The following DAB1 variants were observed in gnomAD, a reference collection of about 807,000 sequenced individuals.
The protein encoded by DAB1 is DAB adaptor protein 1.
In DAB1, 15 loss-of-function variants were observed where a neutral mutation model predicts 64.6. That is an observed-to-expected ratio of 0.23 (90% confidence interval 0.16 to 0.36). The LOEUF (loss-of-function observed/expected upper bound fraction) is 0.36, where lower values mean the gene tolerates loss of function less well. Among genes scored for constraint, DAB1 ranks in the 10% least tolerant of loss-of-function variants. DAB1 has a pLI of 1.00. For missense variants in DAB1, 596 were observed against 706.7 expected (o/e 0.84, Z 1.78); for synonymous variants, 235 against 251.9 (o/e 0.93, Z 0.64).
At chr1:57,738,658 T>C (rs1647813324) in intron 6 of DAB1, among the ~76,000 whole-genome samples, 1 of 152,228 alleles carries the variant, frequency 6.6e-6, no homozygotes, top group Admixed American at 6.5e-5. Flanking sequence ...AGTGCATTTC[T>C]TTGATTATTT....
intron 3 of DAB1, among the ~76,000 whole-genome samples, chr1:57,144,405 C>T (rs1382460640): frequency 1.3e-5 from 2 of 151,906 alleles, no homozygotes; most frequent in Admixed American, 6.6e-5. Context: ...TAAAAAATTT[C>T]TAATTTCTGG....
At chr1:57,394,369 G>T (rs1682637862) in intron 1 of DAB1, among the ~76,000 whole-genome samples, 1 of 152,196 alleles carries the variant, frequency 6.6e-6, no homozygotes, top group African/African-American at 2.4e-5. Context: ...TACAAAAACA[G>T]CTTTTGTGGT....
chr1:57,179,077 TCAG>T (rs2100959542), intron 2 of DAB1, among the ~76,000 whole-genome samples: 1 of 152,304 alleles, frequency 6.6e-6, no homozygotes, highest in East Asian at 1.9e-4. Flanking sequence ...ATGAGAGTCA[TCAG>T]CAGATGTCAA....
At chr1:57,133,252 G>C (rs866726709) in intron 4 of DAB1, among the ~76,000 whole-genome samples, 1 of 152,144 alleles carries the variant, frequency 6.6e-6, no homozygotes, top group Non-Finnish European at 1.5e-5. Flanking sequence ...CTTACCTTTA[G>C]AGTCCTGCAG....
rs113642363 is a variant in DAB1, at chr1:58,358,929, TTCTCTCTC to T, written n.258-15534_258-15527del. On this transcript the variant is annotated intron_variant and non_coding_transcript_variant, in intron 3 of 20. Transcript: ENST00000485760. ...TGTCTCTCTCCCCCCCTTCCTTTCT[TTCTCTCTC>T]TCTCTCTCTCTCTGTAACACACACA... 2.2e-4 allele frequency among the ~76,000 whole-genome samples: 24 copies of T among 107,512 alleles called. No individual in the cohort carries two copies. The East Asian group carries it at 2.5e-3, about 11-fold the overall frequency. 70.5% of individuals were successfully genotyped at this position (107,512 alleles called of 152,430 possible).
intron 1 of DAB1, among the ~76,000 whole-genome samples, chr1:57,854,167 A>G (rs1188852323): frequency 2.0e-5 from 3 of 152,214 alleles, no homozygotes; most frequent in Non-Finnish European, 4.4e-5. Context: ...TGAGTAAATA[A>G]TTATTACTCA....
intron 3 of DAB1, among the ~76,000 whole-genome samples, chr1:58,489,169 G>A (rs925606835): frequency 3.3e-5 from 5 of 152,196 alleles, no homozygotes; most frequent in African/African-American, 1.2e-4. Context: ...GAAGTGCAAC[G>A]GGTCAGGGAA....
intron 1 of DAB1, among the ~76,000 whole-genome samples, chr1:57,830,294 G>A (rs915663204): frequency 1.3e-5 from 2 of 152,130 alleles, no homozygotes; most frequent in South Asian, 4.1e-4. Context: ...CAATTAACAC[G>A]TTCTTACTCC....
At chr1:58,270,246 A>G (rs1661282169) in intron 4 of DAB1, among the ~76,000 whole-genome samples, 1 of 121,832 alleles carries the variant, frequency 8.2e-6, no homozygotes, top group South Asian at 3.3e-4. Flanking sequence ...ACATATGGCT[A>G]GCCAGTTTTC....
At chr1:58,449,138 G>C (rs1645104515) in intron 3 of DAB1, among the ~76,000 whole-genome samples, 1 of 152,198 alleles carries the variant, frequency 6.6e-6, no homozygotes, top group Non-Finnish European at 1.5e-5. Flanking sequence ...CCAAGCACAG[G>C]GGAAGGGCCA....
intron 6 of DAB1, among the ~76,000 whole-genome samples, chr1:57,722,457 T>A (rs1360047740): frequency 6.6e-6 from 1 of 152,146 alleles, no homozygotes; most frequent in Non-Finnish European, 1.5e-5. Flanking sequence ...GCTTGAATAA[T>A]AAACACAATG....
At chr1:57,966,381 T>C (rs895721921) in intron 5 of DAB1, among the ~76,000 whole-genome samples, 17 of 152,140 alleles carry the variant, frequency 1.1e-4, no homozygotes, top group Admixed American at 6.6e-5. Flanking sequence ...CTCATCATTA[T>C]GTAAAGAAGC....
At chr1:58,535,595 C>CAAAAA (rs11315198) in intron 1 of DAB1, among the ~76,000 whole-genome samples, 2 of 95,572 alleles carry the variant, frequency 2.1e-5, no homozygotes, top group African/African-American at 3.9e-5. Flanking sequence ...GTCTCTGTCT[C>CAAAAA]AAAAAAAAAA....
chr1:58,378,833 T>C (rs1474794887), intron 3 of DAB1, among the ~76,000 whole-genome samples: 448 of 77,536 alleles, frequency 5.8e-3, no homozygotes, highest in African/African-American at 0.016. Context: ...ATCAGCGAGA[T>C]TCCGTGGGCG....
At chr1:57,477,102 C>T (rs1643947695) in intron 7 of DAB1, among the ~76,000 whole-genome samples, 1 of 152,172 alleles carries the variant, frequency 6.6e-6, no homozygotes, top group Admixed American at 6.5e-5. Context: ...AAACTGTGTC[C>T]TGGACACTGA....
intron 2 of DAB1, among the ~76,000 whole-genome samples, chr1:57,251,993 A>G (rs1198346812): frequency 6.6e-6 from 1 of 152,236 alleles, no homozygotes; most frequent in Non-Finnish European, 1.5e-5. Flanking sequence ...ATGAAAGTGA[A>G]ACACACCTCA....
At chr1:57,484,215 A>G (rs1644061234) in intron 7 of DAB1, among the ~76,000 whole-genome samples, 1 of 152,216 alleles carries the variant, frequency 6.6e-6, no homozygotes, top group African/African-American at 2.4e-5. Flanking sequence ...ATAGGTTATC[A>G]GGGGCCAGAT....
intron 7 of DAB1, among the ~76,000 whole-genome samples, chr1:57,591,353 T>A (rs1030281589): frequency 3.3e-5 from 5 of 152,196 alleles, no homozygotes; most frequent in African/African-American, 1.2e-4. Context: ...GACTGGCCCA[T>A]GTGAAATGTT....
chr1:57,892,982 G>T (rs570412359), intron 5 of DAB1, among the ~76,000 whole-genome samples: 2 of 147,070 alleles, frequency 1.4e-5, no homozygotes, highest in African/African-American at 2.5e-5. Flanking sequence ...CATGATTGCT[G>T]GGCCCCACCC....
Sources: allele counts gnomAD v4.1 joint callset (sites outside exome capture counted in the v4.1 genomes callset), GRCh38; gene constraint gnomAD v4.1.1; transcripts MANE v1.5; gene names NCBI Gene and HGNC (gene_info 2026-07-23, HGNC 2026-07-21).